The following XDH variants were observed in gnomAD, a reference collection of about 807,000 sequenced individuals.
XDH encodes the protein xanthine dehydrogenase/oxidase.
Under a neutral mutation model 156.1 loss-of-function variants are expected in XDH, and 138 were observed. That is an observed-to-expected ratio of 0.88 (90% CI 0.77 to 1.02). The LOEUF (loss-of-function observed/expected upper bound fraction) is 1.02, where lower values mean the gene tolerates loss of function less well. XDH is among the 50% of genes least tolerant of loss of function. The probability of loss-of-function intolerance (pLI) is 0.00; values close to 1 mark genes in which losing one functional copy is unlikely to be tolerated. For missense variants in XDH, 1,849 were observed against 1,684.9 expected (o/e 1.10, Z -1.71); for synonymous variants, 669 against 625.7 (o/e 1.07, Z -1.03).
At position 31,347,506 on chromosome 2, in the gene XDH, C is replaced by T; in HGVS notation, c.3276+16G>A. 6.2e-7 allele frequency: 1 copy of T among 1,613,328 alleles called. No individual in the cohort carries two copies. The highest frequency in any genetic ancestry group is 8.5e-7 in the Non-Finnish European group (1 of 1,179,962). On this transcript the variant is annotated intron_variant, in intron 29 of 35. Transcript: ENST00000379416. ...GGGCTGGCCCTCTGCTCTGCGGGAT[C>T]CCATGGGCTCCTTACATAGACGGCC... is the stretch of plus-strand genomic sequence containing the variant.
At chr2:31,363,826 G>T (rs1289894966) in intron 24 of XDH, among the ~76,000 whole-genome samples, 35 of 151,964 alleles carry the variant, frequency 2.3e-4, no homozygotes, top group Non-Finnish European at 8.8e-5. Flanking sequence ...ATATATATTA[G>T]TATTAGTTTA....
At chr2:31,345,518 G>T (rs777015179) in intron 30 of XDH, among the ~76,000 whole-genome samples, 12 of 152,148 alleles carry the variant, frequency 7.9e-5, no homozygotes, top group Non-Finnish European at 1.8e-4. Flanking sequence ...ACGATTTACT[G>T]TGTCACACGC....
chr2:31,378,171 GAAGGAAGCAAGCAAGC>G (rs1482799393), intron 13 of XDH, among the ~76,000 whole-genome samples: 4,992 of 81,832 alleles, frequency 0.061, 444 homozygotes, highest in East Asian at 0.099. Context: ...AGGAAGGAAG[GAAGGAAGCAAGCAAGC>G]AAGCAAAGCA....
At chr2:31,394,574 T>C (rs1686852861) in intron 6 of XDH, among the ~76,000 whole-genome samples, 1 of 152,212 alleles carries the variant, frequency 6.6e-6, no homozygotes, top group African/African-American at 2.4e-5. Context: ...GTTTAAAATC[T>C]GACATTAATT....
chr2:31,364,294 A>C (rs754367674), intron 23 of XDH, 50 bp from the exon 24 acceptor site: 1 of 1,577,376 alleles, frequency 6.3e-7, no homozygotes, highest in Non-Finnish European at 8.7e-7. Flanking sequence ...CGTTTCCCCC[A>C]CCTCTCTGTC....
chr2:31,406,098 C>T, intron 1 of XDH, 134 bp from the exon 2 acceptor site: 1 of 979,990 alleles, frequency 1.0e-6, no homozygotes, highest in Non-Finnish European at 1.6e-6. Context: ...GCACTCTGCC[C>T]CTCTAAATCT....
At chr2:31,387,970 T>TTTCC in intron 7 of XDH, 73 bp from the exon 8 acceptor site, 1 of 1,491,024 alleles carries the variant, frequency 6.7e-7, no homozygotes, top group Non-Finnish European at 9.1e-7. Flanking sequence ...CAATTCAGCC[T>TTTCC]TTCCTTCCAG....
intron 24 of XDH, among the ~76,000 whole-genome samples, chr2:31,362,720 C>T (rs531173218): frequency 6.6e-6 from 1 of 152,206 alleles, no homozygotes; most frequent in African/African-American, 2.4e-5. Context: ...AATAATAAAG[C>T]CCAGCTCTCC....
chr2:31,390,769 A>G (rs1454999759), intron 6 of XDH, among the ~76,000 whole-genome samples: 1 of 152,170 alleles, frequency 6.6e-6, no homozygotes, highest in Non-Finnish European at 1.5e-5. Flanking sequence ...TATGATGTCG[A>G]ACTTATATGC....
intron 6 of XDH, chr2:31,389,465 C>T (rs778435068): frequency 6.6e-6 from 1 of 152,528 alleles, no homozygotes; most frequent in Non-Finnish European, 1.5e-5. Flanking sequence ...CACTTCCCCT[C>T]TATATTTAGA....
At position 31,408,010 on chromosome 2, in the gene XDH, G is replaced by A. The variant is rs1020794732; in HGVS notation, c.43-2046C>T. On this transcript the variant is annotated intron_variant, in intron 1 of 35. Coordinates refer to ENST00000379416, the MANE Select transcript of XDH (RefSeq NM_000379.4). ...CATTGTTCATTTCTCCCGTACTGCA[G>A]TTCTGCTTTTATCACATCACATCAG... is the stretch of plus-strand genomic sequence containing the variant. Among the ~76,000 whole-genome samples, 22 of 152,190 alleles carry A rather than the reference G, an allele frequency of 1.4e-4. 1 individual carries two copies. The highest frequency in any genetic ancestry group is 1.2e-4 in the Non-Finnish European group (8 of 68,010).
chr2:31,392,712 C>T (rs1686800487), intron 6 of XDH, among the ~76,000 whole-genome samples: 2 of 152,162 alleles, frequency 1.3e-5, no homozygotes, highest in African/African-American at 2.4e-5. Flanking sequence ...CATGAGCCGT[C>T]GTGCCTGGTG....
At position 31,405,967 on chromosome 2, in the gene XDH, A is replaced by ATTAAAATAAATGAAAGAAAAATAT. The variant is rs1687181977; in HGVS notation, c.43-27_43-4dup. On this transcript the variant is annotated splice_region_variant and splice_polypyrimidine_tract_variant and intron_variant, in intron 1 of 35. Coordinates refer to ENST00000379416, the MANE Select transcript of XDH (RefSeq NM_000379.4). Reference sequence around the variant, plus strand: ...GGATCTGCATTTTTCTCCACCACCTATTAAAATAAATGAAAGAAAAATATA... The same window carrying ATTAAAATAAATGAAAGAAAAATAT: ...GGATCTGCATTTTTCTCCACCACCTATTAAAATAAATGAAAGAAAAATATTTAAAATAAATGAAAGAAAAATATA... The ATTAAAATAAATGAAAGAAAAATAT allele has an allele frequency of 1.2e-6, 2 of 1,614,102 alleles. No homozygotes were observed. Among genetic ancestry groups the ATTAAAATAAATGAAAGAAAAATAT allele is most frequent in the South Asian group, 2.2e-5 (2 of 91,082 alleles).
At chr2:31,377,354 T>A in intron 13 of XDH, 117 bp from the exon 14 acceptor site, 1 of 1,087,474 alleles carries the variant, frequency 9.2e-7, no homozygotes, top group Non-Finnish European at 1.4e-6. Context: ...CACACATCAG[T>A]GGGTGAACTG....
intron 3 of XDH, 93 bp downstream of exon 3, chr2:31,402,955 A>T: frequency 7.4e-7 from 1 of 1,358,440 alleles, no homozygotes; most frequent in Non-Finnish European, 1.1e-6. Context: ...ACATGCGCAC[A>T]TGCACATACA....
At chr2:31,372,080 G>T in intron 17 of XDH, 148 bp downstream of exon 17, 1 of 1,182,870 alleles carries the variant, frequency 8.5e-7, no homozygotes, top group Non-Finnish European at 1.2e-6. Flanking sequence ...TGCCTATAAG[G>T]TCTTCCCCTC....
intron 4 of XDH, among the ~76,000 whole-genome samples, chr2:31,399,056 C>A (rs918290380): frequency 6.6e-6 from 1 of 152,194 alleles, no homozygotes; most frequent in Non-Finnish European, 1.5e-5. Flanking sequence ...CTATCATAAC[C>A]AGAAGGCAGC....
Position 31,377,205 on chromosome 2 carries a change from G to A in XDH, c.1275C>T (p.Ser425=), listed in dbSNP as rs2148776245. Residue 425 remains serine, a synonymous_variant, in exon 14 of 36, where the codon TCC becomes TCT. Coordinates refer to ENST00000379416, the MANE Select transcript of XDH (RefSeq NM_000379.4). ...CCTTGGCAATGTCATCTTCTCTCCG[G>A]GAGGCCTGCTTGAATGCTGAGAAAT... The part of the protein sequence containing the change: ...GEYFSAFKQA[S]RREDDIAKVT... The A allele has an allele frequency of 1.2e-6, 2 of 1,614,054 alleles. No individual in the cohort carries two copies. The highest frequency in any genetic ancestry group is 1.7e-6 in the Non-Finnish European group (2 of 1,180,022).
intron 20 of XDH, 67 bp downstream of exon 20, chr2:31,367,894 A>G (rs1000164267): frequency 4.1e-6 from 6 of 1,447,774 alleles, no homozygotes; most frequent in Middle Eastern, 1.7e-4. Context: ...GGTTCAATGC[A>G]TATCTCTTGA....
Sources: allele counts gnomAD v4.1 joint callset (sites outside exome capture counted in the v4.1 genomes callset), GRCh38; gene constraint gnomAD v4.1.1; transcripts MANE v1.5; gene names NCBI Gene and HGNC (gene_info 2026-07-23, HGNC 2026-07-21).